The following PIKFYVE variants were observed in gnomAD, a reference collection of about 807,000 sequenced individuals.
PIKFYVE encodes the protein phosphoinositide kinase, FYVE-type zinc finger containing.
In PIKFYVE, 122 loss-of-function variants were observed where a neutral mutation model predicts 257.9. The observed-to-expected ratio is 0.47, with a 90% confidence interval of 0.41 to 0.55. The LOEUF (loss-of-function observed/expected upper bound fraction) is 0.55. Ranked by LOEUF, PIKFYVE falls within the 20% of genes least tolerant of loss-of-function variation. The pLI is 0.00. For missense variants in PIKFYVE, 2,160 were observed against 2,536.6 expected, an observed-to-expected ratio of 0.85 and a Z score of 3.19; for synonymous variants, 892 against 868.9, an observed-to-expected ratio of 1.03 and a Z score of -0.47.
intron 9 of PIKFYVE, among the ~76,000 whole-genome samples, chr2:208,302,009 T>C (rs1407580645): frequency 6.6e-6 from 1 of 152,202 alleles, no homozygotes; most frequent in Non-Finnish European, 1.5e-5. Context: ...TTATTAAAAT[T>C]AGGTTTTGTT....
intron 12 of PIKFYVE, among the ~76,000 whole-genome samples, chr2:208,306,131 TGA>T (rs1051343096): frequency 6.6e-6 from 1 of 152,244 alleles, no homozygotes; most frequent in Non-Finnish European, 1.5e-5. Context: ...AAAATGGTAC[TGA>T]AGAGTTATAG....
In PIKFYVE at chr2:208,345,037, T is replaced by TA. The variant is rs768614457; in HGVS notation, c.5028-73dup. 15 of 1,081,312 alleles carry TA rather than the reference T, an allele frequency of 1.4e-5. No individual in the cohort carries two copies. The African/African-American group carries it at 1.7e-4, about 12-fold the overall frequency. 67.0% of individuals were successfully genotyped at this position (1,081,312 alleles called of 1,614,324 possible). ...GATTGTGCTTCTATAATGCAAAACTTACTCTAAAGCTTATGATTTACTTTT... is the reference window on the plus strand; with the variant it reads ...GATTGTGCTTCTATAATGCAAAACTTAACTCTAAAGCTTATGATTTACTTTT... On this transcript the variant is annotated intron_variant, in intron 32 of 41. Transcript: ENST00000264380.
At chr2:208,323,139 T>G (rs1696488644) in intron 17 of PIKFYVE, among the ~76,000 whole-genome samples, 1 of 151,274 alleles carries the variant, frequency 6.6e-6, no homozygotes, top group South Asian at 2.1e-4. Context: ...CTTTAAGTTT[T>G]AGGGTACATG....
rs1699363819 is a variant in PIKFYVE at position 208,347,745 on chromosome 2, AGATT to A, written c.5210-109_5210-106del. The A allele has an allele frequency of 1.1e-5, 10 of 883,558 alleles. No individual in the cohort carries two copies. In the East Asian group the frequency reaches 2.7e-4, roughly 23 times the overall value. The allele number at this position is 883,558 out of a possible 1,614,324, so 54.7% of individuals were successfully genotyped here. On this transcript the variant is annotated intron_variant, in intron 34 of 41. Coordinates refer to ENST00000264380, the MANE Select transcript of PIKFYVE (RefSeq NM_015040.4). ...GCAAACAAAAGTATTTGCATTACTCAGATTGATTAGCTTCATATAGTGGTTACAA... is the reference window on the plus strand; with the variant it reads ...GCAAACAAAAGTATTTGCATTACTCAGATTAGCTTCATATAGTGGTTACAA...
intron 13 of PIKFYVE, 94 bp downstream of exon 13, chr2:208,312,389 C>A: frequency 1.1e-6 from 1 of 951,124 alleles, no homozygotes; most frequent in Non-Finnish European, 1.7e-6. Flanking sequence ...AGAGAAGGTG[C>A]TGAAAATATA....
rs1696650290 is a variant in PIKFYVE at position 208,324,239 on chromosome 2, T to C, written c.2288T>C (p.Met763Thr). The C allele has an allele frequency of 4.3e-6, 7 of 1,614,066 alleles. No homozygotes were observed. The highest frequency in any genetic ancestry group is 5.1e-6 in the Non-Finnish European group (6 of 1,179,942). ...ACAGTGTCTCGGATTGCCCAGGACA[T>C]GTTATTGGAACATGGCATTACTTTG... is the stretch of plus-strand genomic sequence containing the variant. ...EKTVSRIAQDMLLEHGITLVI... is the reference protein window; with the variant it reads ...EKTVSRIAQDTLLEHGITLVI... The change falls in exon 18 of 42, where the codon ATG becomes ACG. Residue 763 changes from methionine to threonine, a missense_variant. Around this residue, in one of 12 missense-constraint regions of PIKFYVE, gnomAD observed 346 missense variants for 365.6 expected, o/e 0.95. Coordinates refer to ENST00000264380, the MANE Select transcript of PIKFYVE (RefSeq NM_015040.4).
rs1694040807 is a variant in PIKFYVE at position 208,304,048 on chromosome 2, T to G, written c.1321-123T>G. ...AACTTGGTTTTTGTTAATTTGTTTA[T>G]TTTTATAAAATTCAATTGTTAGGTT... On this transcript the variant is annotated intron_variant, in intron 10 of 41. Transcript: ENST00000264380. 8 of 1,237,928 alleles carry G rather than the reference T, an allele frequency of 6.5e-6. No homozygotes were observed. The Admixed American group carries it at 1.6e-4, about 24-fold the overall frequency. The allele number at this position is 1,237,928 out of a possible 1,614,324, so 76.7% of individuals were successfully genotyped here.
intron 13 of PIKFYVE, among the ~76,000 whole-genome samples, chr2:208,313,581 A>AT (rs35491714): frequency 0.032 from 4,036 of 127,734 alleles, 96 homozygotes; most frequent in African/African-American, 0.062. Context: ...TCAGTTTGTG[A>AT]TTTTTTTTTT....
chr2:208,291,122 T>C (rs1347110851), intron 7 of PIKFYVE, among the ~76,000 whole-genome samples: 1 of 152,158 alleles, frequency 6.6e-6, no homozygotes, highest in Non-Finnish European at 1.5e-5. Flanking sequence ...AAGTATGATG[T>C]TAGCTGTATG....
chr2:208,326,566 T>C (rs1696947020), intron 20 of PIKFYVE, 137 bp downstream of exon 20: 1 of 995,744 alleles, frequency 1.0e-6, no homozygotes, highest in South Asian at 1.4e-5. Flanking sequence ...TATTTTTGTT[T>C]TTGTCTTGAG....
At chr2:208,303,410 A>C (rs1693957897) in intron 10 of PIKFYVE, among the ~76,000 whole-genome samples, 1 of 152,154 alleles carries the variant, frequency 6.6e-6, no homozygotes, top group South Asian at 2.1e-4. Flanking sequence ...CTTAGTGTTG[A>C]CTGGAATCTT....
intron 37 of PIKFYVE, 47 bp downstream of exon 37, chr2:208,350,994 C>G (rs1447528161): frequency 6.2e-7 from 1 of 1,606,564 alleles, no homozygotes; most frequent in Non-Finnish European, 8.5e-7. Flanking sequence ...GTCTTCATCT[C>G]TTTACCTCAG....
At chr2:208,324,771 T>TA (rs541702427) in intron 18 of PIKFYVE, 140 bp from the exon 19 acceptor site, 12 of 1,039,806 alleles carry the variant, frequency 1.2e-5, no homozygotes, top group South Asian at 5.9e-5. Flanking sequence ...GAATCCAGAA[T>TA]AAAAAAATTC....
At chr2:208,351,714 TGA>T (rs1355653202) in intron 38 of PIKFYVE, among the ~76,000 whole-genome samples, 1 of 151,950 alleles carries the variant, frequency 6.6e-6, no homozygotes, top group African/African-American at 2.4e-5. Context: ...TGTCACATGG[TGA>T]GAGACGGAGC....
Position 208,285,867 on chromosome 2 carries a change from GA to G in PIKFYVE, c.757del (p.Thr253HisfsTer14). On this transcript the variant is annotated frameshift_variant, in exon 6 of 42. Transcript: ENST00000264380. LOFTEE classifies it high-confidence loss of function. ...SVSVLDPSEP[R>X]TPVGSRKASR... ...TCTGTGCTTGATCCAAGTGAACCCCGAACACCTGTTGGGAGTAGGAAAGCCA... is the reference window on the plus strand; with the variant it reads ...TCTGTGCTTGATCCAAGTGAACCCCGACACCTGTTGGGAGTAGGAAAGCCA... 1 of 1,614,032 alleles carries G rather than the reference GA, an allele frequency of 6.2e-7. No homozygotes were observed. Among genetic ancestry groups the G allele is most frequent in the Non-Finnish European group, 8.5e-7 (1 of 1,180,014 alleles).
chr2:208,302,909 GTC>G (rs1693873071), intron 10 of PIKFYVE, among the ~76,000 whole-genome samples: 1 of 151,892 alleles, frequency 6.6e-6, no homozygotes, highest in African/African-American at 2.4e-5. Flanking sequence ...GTGAAATCCC[GTC>G]TCTACTAAAA....
At chr2:208,345,420 A>G (rs928766585) in intron 33 of PIKFYVE, among the ~76,000 whole-genome samples, 10 of 152,144 alleles carry the variant, frequency 6.6e-5, no homozygotes, top group Admixed American at 1.3e-4. Flanking sequence ...TAGCAGTTAA[A>G]TGTATATTGC....
At chr2:208,275,006 T>G (rs1483718059) in intron 3 of PIKFYVE, among the ~76,000 whole-genome samples, 2 of 152,204 alleles carry the variant, frequency 1.3e-5, no homozygotes, top group African/African-American at 4.8e-5. Context: ...GGTGGAGCCT[T>G]TACTGTCTAG....
Position 208,283,100 on chromosome 2 carries a change from G to A in PIKFYVE, c.614-2626G>A, listed in dbSNP as rs114630871. ...CCTAACAGGCTACGGACGGGGAGTA[G>A]TACATGTCCCTGGGATTGGGGACCC... On this transcript the variant is annotated intron_variant, in intron 5 of 41. Transcript: ENST00000264380. 4.3e-3 allele frequency among the ~76,000 whole-genome samples: 657 copies of A among 152,290 alleles called. 5 individuals are homozygous for A. The highest frequency in any genetic ancestry group is 0.014 in the African/African-American group (587 of 41,560).
Sources: gnomAD v4.1 joint callset for allele counts (sites outside exome capture counted in the v4.1 genomes callset) on GRCh38, gnomAD v4.1.1 for gene constraint, gnomAD v4.1.1 regional missense constraint, MANE v1.5 for transcripts, NCBI Gene and HGNC (gene_info 2026-07-23, HGNC 2026-07-21) for gene names.